The following SLC4A11 variants were observed in gnomAD, a reference collection of about 807,000 sequenced individuals.
SLC4A11 encodes the protein solute carrier family 4 member 11.
Under a neutral mutation model 95.0 loss-of-function variants are expected in SLC4A11, and 74 were observed. The ratio of observed to expected loss-of-function variants is 0.78; its 90% CI spans 0.65 to 0.95. The LOEUF is 0.95. Among genes scored for constraint, SLC4A11 ranks in the 40% least tolerant of loss-of-function variants. The pLI, the probability that SLC4A11 is intolerant of heterozygous loss-of-function variation, is 0.00. For missense variants in SLC4A11, 1,081 were observed against 1,192.4 expected (o/e 0.91, Z 1.38); for synonymous variants, 548 against 519.0 (o/e 1.06, Z -0.76).
In SLC4A11 at chr20:3,229,344, ACT is replaced by A. The variant is rs1237818323; in HGVS notation, c.1849_1849+1del. 6.2e-7 allele frequency: 1 copy of A among 1,612,646 alleles called. No homozygotes were observed. The highest frequency in any genetic ancestry group is 1.3e-5 in the African/African-American group (1 of 74,832). On this transcript the variant is annotated splice_donor_variant and coding_sequence_variant, in exon 15 of 20. Transcript: ENST00000642402. LOFTEE classifies it high-confidence loss of function. ...GTCACCCACCGCCCGGCCCCAACTCACTCTCGATTTCCCGGAAGCCATGGGAG... is the reference window on the plus strand; with the variant it reads ...GTCACCCACCGCCCGGCCCCAACTCACTCGATTTCCCGGAAGCCATGGGAG...
rs2067575389 is a variant in SLC4A11, at chr20:3,227,690, GCAGTCACCCA to G, written c.*87_*96del. 1 of 1,311,914 alleles carries G rather than the reference GCAGTCACCCA, an allele frequency of 7.6e-7. No individual in the cohort carries two copies. The highest frequency in any genetic ancestry group is 1.2e-5 in the South Asian group (1 of 81,454). 81.3% of individuals were successfully genotyped at this position (1,311,914 alleles called of 1,614,324 possible). On this transcript the variant is annotated 3_prime_UTR_variant, in exon 20 of 20. Coordinates refer to ENST00000642402, the MANE Select transcript of SLC4A11 (RefSeq NM_001174089.2). ...CAGCCATGAGAAGGCGCAGCACAGAGCAGTCACCCACACACCTACACCTCCCCTCACAGCT... is the reference window on the plus strand; with the variant it reads ...CAGCCATGAGAAGGCGCAGCACAGAGCACACCTACACCTCCCCTCACAGCT...
In SLC4A11 at chr20:3,234,161, T is replaced by C. The variant is rs777145704; in HGVS notation, c.445A>G (p.Asn149Asp). 10 of 1,614,000 alleles carry C rather than the reference T, an allele frequency of 6.2e-6. No individual in the cohort carries two copies. In the East Asian group the frequency reaches 1.1e-4, roughly 18 times the overall value. Residue 149 changes from asparagine (N) to aspartate (D), a missense_variant, in exon 5 of 20, where the codon AAC becomes GAC. This residue lies in a region of SLC4A11 where 310 missense variants were observed against 313.5 expected (regional missense o/e 0.99). Coordinates refer to ENST00000642402, the MANE Select transcript of SLC4A11 (RefSeq NM_001174089.2). The surrounding 1 kb of genome is among the most constrained non-coding windows in gnomAD (Gnocchi z 5.8). ...MLRRFARDPD[N>D]NEPNCNLDLL... The stretch of plus-strand genomic sequence containing the variant: ...TCCAGGTTGCAGTTGGGCTCATTGT[T>C]GTCAGGGTCCCTGGCGAAGCGGCGA...
intron 2 of SLC4A11, among the ~76,000 whole-genome samples, chr20:3,237,049 T>G (rs6037507): frequency 4.6e-5 from 7 of 151,990 alleles, no homozygotes; most frequent in Admixed American, 3.3e-4. Flanking sequence ...GTCAGGTCAC[T>G]CATGGGGCTA....
rs1226586660 is a variant in SLC4A11 at position 3,231,951 on chromosome 20, C to A, written c.730-403G>T. ...GGGATTACAGGCACGAGCCACTGTG[C>A]CCAGATGCTGGTAGCAGGTTTTATT... On this transcript the variant is annotated intron_variant, in intron 7 of 19. Coordinates refer to ENST00000642402, the MANE Select transcript of SLC4A11 (RefSeq NM_001174089.2). This position sits in a 1 kb window ranked among gnomAD's most constrained non-coding sequence, Gnocchi z 5.2. 6.6e-6 allele frequency among the ~76,000 whole-genome samples: 1 copy of A among 152,200 alleles called. No homozygotes were observed. The highest frequency in any genetic ancestry group is 2.4e-5 in the African/African-American group (1 of 41,442).
At chr20:3,237,399 G>C in intron 2 of SLC4A11, 145 bp downstream of exon 2, 1 of 859,312 alleles carries the variant, frequency 1.2e-6, no homozygotes, top group Non-Finnish European at 2.0e-6. Flanking sequence ...GCTTCCCGAA[G>C]AGTGGAAGCC....
At position 3,234,539 on chromosome 20, in the gene SLC4A11, C is replaced by T. The variant is rs1339356986; in HGVS notation, c.291+29G>A. On this transcript the variant is annotated intron_variant, in intron 4 of 19. Coordinates refer to ENST00000642402, the MANE Select transcript of SLC4A11 (RefSeq NM_001174089.2). This position sits in a 1 kb window ranked among gnomAD's most constrained non-coding sequence, Gnocchi z 5.8. ...CACCTCAGCCCCCAGGTAGAGGCCCCAGGACCACCTGCAGGACAGGCCATT... is the reference window on the plus strand; with the variant it reads ...CACCTCAGCCCCCAGGTAGAGGCCCTAGGACCACCTGCAGGACAGGCCATT... 1 of 1,613,530 alleles carries T rather than the reference C, an allele frequency of 6.2e-7. No homozygotes were observed. Among genetic ancestry groups the T allele is most frequent in the Non-Finnish European group, 8.5e-7 (1 of 1,179,988 alleles).
At chr20:3,230,318 G>A in intron 12 of SLC4A11, 58 bp from the exon 13 acceptor site, 1 of 1,598,122 alleles carries the variant, frequency 6.3e-7, no homozygotes. Flanking sequence ...AGGTGGGGGA[G>A]GCCTCCCTGA....
In SLC4A11 at chr20:3,234,626, G is replaced by A. The variant is rs1170797677; in HGVS notation, c.242-9C>T. On this transcript the variant is annotated splice_polypyrimidine_tract_variant and intron_variant, in intron 3 of 19. Transcript: ENST00000642402. The surrounding 1 kb of genome is among the most constrained non-coding windows in gnomAD (Gnocchi z 5.8). ...GGAAGTCGCTTCATTCTCTGCCGGA[G>A]AAAAGCGGGGAGGGCTCAGGGTGCC... is the stretch of plus-strand genomic sequence containing the variant. The A allele has an allele frequency of 6.2e-7, 1 of 1,613,882 alleles. No homozygotes were observed. Among genetic ancestry groups the A allele is most frequent in the South Asian group, 1.1e-5 (1 of 91,088 alleles).
intron 7 of SLC4A11, among the ~76,000 whole-genome samples, chr20:3,232,725 AT>A (rs567364959): frequency 9.9e-4 from 151 of 152,304 alleles, no homozygotes; most frequent in African/African-American, 3.2e-3. Context: ...AGATAAATAA[AT>A]AAAACAAACA....
At chr20:3,228,183 C>G (rs540048808) in intron 19 of SLC4A11, 76 bp downstream of exon 19, 4 of 1,466,244 alleles carry the variant, frequency 2.7e-6, no homozygotes, top group Non-Finnish European at 3.7e-6. Flanking sequence ...GACCCCTCCT[C>G]CCAGCCGCTG....
chr20:3,237,905 T>C (rs1226034632), intron 1 of SLC4A11: 1 of 1,550,546 alleles, frequency 6.4e-7, no homozygotes, highest in African/African-American at 1.4e-5. Context: ...TGTTCGCTAA[T>C]CCAGGTTTTC....
In SLC4A11 at chr20:3,230,940, C is replaced by T. The variant is rs1238798888; in HGVS notation, c.1161G>A (p.Gly387=). Residue 387 remains glycine, a synonymous_variant, in exon 10 of 20, where the codon GGG becomes GGA. Coordinates refer to ENST00000642402, the MANE Select transcript of SLC4A11 (RefSeq NM_001174089.2). ...FGSLNDENTD[G]AIDVQKTIAG... ...CCACCGCCAGCCCCTCACCGATGGC[C>T]CCGTCTGTGTTCTCGTCATTGAGAG... 6.2e-7 allele frequency: 1 copy of T among 1,613,812 alleles called. No homozygotes were observed.
chr20:3,234,859 C>A lies in SLC4A11; in HGVS notation c.124G>T (p.Ala42Ser). The A allele has an allele frequency of 6.2e-7, 1 of 1,614,058 alleles. No individual in the cohort carries two copies. The change falls in exon 3 of 20, where the codon GCC becomes TCC. Residue 42 changes from alanine (A) to serine (S), a missense_variant. Transcript: ENST00000642402. This position sits in a 1 kb window ranked among gnomAD's most constrained non-coding sequence, Gnocchi z 5.8. ...TCATCCCCCAGGATCTCCTCTCGGG[C>A]TTCGAAGGTGTCATCTGTGTCACAC... is the stretch of plus-strand genomic sequence containing the variant. ...YKCDTDDTFE[A>S]REEILGDEAF...
In SLC4A11 at chr20:3,234,281, G is replaced by A. The variant is rs767292863; in HGVS notation, c.325C>T (p.Arg109Cys). 2.5e-6 allele frequency: 4 copies of A among 1,613,946 alleles called. No individual in the cohort carries two copies. The highest frequency in any genetic ancestry group is 1.1e-5 in the South Asian group (1 of 91,080). The part of the protein sequence containing the change: ...LKLKNFKEEI[R>C]AHRDLDGFLA... ...AAGCCATCTAGGTCGCGGTGCGCAC[G>A]GATCTCTTCCTTGAAGTTCTTTAAC... Residue 109 changes from arginine (R) to cysteine (C), a missense_variant, in exon 5 of 20, where the codon CGT (arginine) becomes TGT (cysteine). By Grantham distance (180) the Arg-to-Cys change is radical (BLOSUM62 -3). This residue lies in a region of SLC4A11 where 310 missense variants were observed against 313.5 expected (regional missense o/e 0.99). Transcript: ENST00000642402. This position sits in a 1 kb window ranked among gnomAD's most constrained non-coding sequence, Gnocchi z 5.8.
At chr20:3,235,190 C>G (rs374712567) in intron 2 of SLC4A11, among the ~76,000 whole-genome samples, 3 of 152,312 alleles carry the variant, frequency 2.0e-5, no homozygotes, top group African/African-American at 7.2e-5. Context: ...TTGGGGCAGG[C>G]ACGGAGTGCA....
chr20:3,238,233 C>T (rs2068051151), intron 1 of SLC4A11: 4 of 1,282,168 alleles, frequency 3.1e-6, no homozygotes, highest in East Asian at 3.3e-5. Context: ...ACACATGGGT[C>T]GGGGGAGGCT....
rs1259956301 is a variant in SLC4A11 at position 3,231,407 on chromosome 20, T to C, written c.871A>G (p.Met291Val). 1 of 1,614,080 alleles carries C rather than the reference T, an allele frequency of 6.2e-7. No individual in the cohort carries two copies. Among genetic ancestry groups the C allele is most frequent in the African/African-American group, 1.3e-5 (1 of 75,040 alleles). Reference protein sequence around the residue: ...ALVHQRQLLTMVSHGPVAPRT... With the variant: ...ALVHQRQLLTVVSHGPVAPRT... Reference sequence around the variant, plus strand: ...GGCGCCACTGGACCGTGGCTCACCATGGTGAGCAGCTGTCTCTGATGCACC... The same window carrying C: ...GGCGCCACTGGACCGTGGCTCACCACGGTGAGCAGCTGTCTCTGATGCACC... The change falls in exon 8 of 20, where the codon ATG (methionine) becomes GTG (valine). Residue 291 changes from methionine to valine, a missense_variant. Coordinates refer to ENST00000642402, the MANE Select transcript of SLC4A11 (RefSeq NM_001174089.2). This position sits in a 1 kb window ranked among gnomAD's most constrained non-coding sequence, Gnocchi z 5.2.
At position 3,227,654 on chromosome 20, in the gene SLC4A11, C is replaced by T. The variant is rs986524953; in HGVS notation, c.*133G>A. 1.5e-5 allele frequency: 14 copies of T among 918,888 alleles called. No homozygotes were observed. The highest frequency in any genetic ancestry group is 2.2e-5 in the Non-Finnish European group (13 of 584,284). The allele number at this position is 918,888 out of a possible 1,614,324, so 56.9% of individuals were successfully genotyped here. A position where few individuals can be genotyped will look rare whatever the true frequency, so the allele number is the denominator to read the frequency against. On this transcript the variant is annotated 3_prime_UTR_variant, in exon 20 of 20. Coordinates refer to ENST00000642402, the MANE Select transcript of SLC4A11 (RefSeq NM_001174089.2). ...GCACCCCTACAATGCCCAGATGCCC[C>T]AGGCCTGAGTCAGCCATGAGAAGGC...
In SLC4A11 at chr20:3,231,184, C is replaced by CTT. The variant is rs2067759791; in HGVS notation, c.1006_1007insAA (p.Arg336GlnfsTer61). On this transcript the variant is annotated frameshift_variant, in exon 9 of 20. Transcript: ENST00000642402. LOFTEE classifies it high-confidence loss of function. This position sits in a 1 kb window ranked among gnomAD's most constrained non-coding sequence, Gnocchi z 5.2. ...GTCCAAGGGGTACAAGGGGAACCTGCGTGCGATGTCCTCCCGGATGCCCTT... is the reference window on the plus strand; with the variant it reads ...GTCCAAGGGGTACAAGGGGAACCTGCTTGTGCGATGTCCTCCCGGATGCCCTT... The CTT allele has an allele frequency of 6.2e-7, 1 of 1,614,034 alleles. No homozygotes were observed. The highest frequency in any genetic ancestry group is 8.5e-7 in the Non-Finnish European group (1 of 1,180,042).
Sources: allele counts gnomAD v4.1 joint callset (sites outside exome capture counted in the v4.1 genomes callset), GRCh38; gene constraint gnomAD v4.1.1; regional missense constraint gnomAD v4.1.1; non-coding constraint Gnocchi (gnomAD v3.1); transcripts MANE v1.5; gene names NCBI Gene and HGNC (gene_info 2026-07-23, HGNC 2026-07-21).